The following GASK1B variants were observed in gnomAD, a reference collection of about 807,000 sequenced individuals.
GASK1B encodes Golgi-associated kinase 1B.
A neutral mutation model predicts 42.8 loss-of-function variants in GASK1B; 34 were observed. The ratio of observed to expected loss-of-function variants is 0.79; its 90% confidence interval spans 0.60 to 1.06. The LOEUF is 1.06. Among genes scored for constraint, GASK1B ranks in the 50% least tolerant of loss-of-function variants. The pLI, the probability that GASK1B is intolerant of heterozygous loss-of-function variation, is 0.00. For missense variants in GASK1B, 686 were observed against 661.0 expected, an observed-to-expected ratio of 1.04 and a Z score of -0.42; for synonymous variants, 262 against 259.1, an observed-to-expected ratio of 1.01 and a Z score of -0.11.
In GASK1B at chr4:158,125,977, G is replaced by A. The variant is rs1211762802; in HGVS notation, c.*1430C>T. The stretch of plus-strand genomic sequence containing the variant: ...ACAGATATTGAGTTAACCTTGACCA[G>A]AACAAAGAAAATGTGGTGTATTTCA... On this transcript the variant is annotated 3_prime_UTR_variant, in exon 5 of 5. Transcript: ENST00000585682. The A allele has an allele frequency of 1.3e-5, 2 of 151,694 alleles. No homozygotes were observed. The highest frequency in any genetic ancestry group is 2.9e-5 in the Non-Finnish European group (2 of 67,936). The allele number at this position is 151,694 out of a possible 1,614,324, so 9.4% of individuals were successfully genotyped here. A position where few individuals can be genotyped will look rare whatever the true frequency, so the allele number is the denominator to read the frequency against.
At chr4:158,144,135 AG>A (rs1731243362) in intron 3 of GASK1B, among the ~76,000 whole-genome samples, 1 of 152,192 alleles carries the variant, frequency 6.6e-6, no homozygotes, top group African/African-American at 2.4e-5. Context: ...AAACATATAA[AG>A]CAATGAACAC....
chr4:158,137,429 G>A (rs1730940145), intron 3 of GASK1B, among the ~76,000 whole-genome samples: 1 of 152,120 alleles, frequency 6.6e-6, no homozygotes, highest in Non-Finnish European at 1.5e-5. Flanking sequence ...ATCATTACCA[G>A]CATCCCTTCA....
intron 3 of GASK1B, among the ~76,000 whole-genome samples, chr4:158,139,770 G>A (rs1245875526): frequency 6.6e-6 from 1 of 152,166 alleles, no homozygotes; most frequent in Admixed American, 6.5e-5. Context: ...AATGAGAGAA[G>A]TGGAATTGTT....
At chr4:158,161,428 A>G (rs189407470) in intron 2 of GASK1B, among the ~76,000 whole-genome samples, 51 of 152,302 alleles carry the variant, frequency 3.3e-4, no homozygotes, top group Non-Finnish European at 6.5e-4. Context: ...AATAATCTCC[A>G]TACTTCCTCA....
At chr4:158,158,164 A>G (rs984773880) in intron 2 of GASK1B, among the ~76,000 whole-genome samples, 10 of 152,134 alleles carry the variant, frequency 6.6e-5, no homozygotes, top group South Asian at 4.1e-4. Context: ...TCTCACCTGT[A>G]AAATGAAGCA....
intron 3 of GASK1B, among the ~76,000 whole-genome samples, chr4:158,153,115 A>G (rs905693968): frequency 3.3e-5 from 5 of 152,218 alleles, no homozygotes; most frequent in African/African-American, 9.6e-5. Context: ...GACTCCTCCA[A>G]AAAACTTCTA....
chr4:158,153,713 C>T (rs758024597), intron 3 of GASK1B, among the ~76,000 whole-genome samples: 8 of 152,128 alleles, frequency 5.3e-5, no homozygotes, highest in Non-Finnish European at 1.0e-4. Context: ...ATACTTACAG[C>T]CAACTGATCT....
intron 3 of GASK1B, among the ~76,000 whole-genome samples, chr4:158,146,141 AGTT>A: frequency 1.5e-5 from 1 of 66,590 alleles, no homozygotes; most frequent in East Asian, 9.4e-4. Context: ...TAATATAACT[AGTT>A]GTTTTTTTTT....
chr4:158,153,017 A>T (rs1479964029), intron 3 of GASK1B, among the ~76,000 whole-genome samples: 2 of 152,230 alleles, frequency 1.3e-5, no homozygotes, highest in African/African-American at 4.8e-5. Flanking sequence ...AGAAAATAGA[A>T]AGAAATAAAG....
At chr4:158,133,709 G>A (rs187194826) in intron 3 of GASK1B, among the ~76,000 whole-genome samples, 30 of 152,208 alleles carry the variant, frequency 2.0e-4, no homozygotes, top group Middle Eastern at 3.4e-3. Context: ...AAAGTACTTC[G>A]TCTGATCTAA....
chr4:158,171,714 G>A lies in GASK1B; in HGVS notation c.-224-115C>T, dbSNP rs144439641. 30 of 192,554 alleles carry A rather than the reference G, an allele frequency of 1.6e-4. No homozygotes were observed. The East Asian group carries it at 3.6e-3, about 23-fold the overall frequency. 11.9% of individuals were successfully genotyped at this position (192,554 alleles called of 1,614,324 possible). The stretch of plus-strand genomic sequence containing the variant: ...CCTTTCATAAATATCACCACTAAAT[G>A]TTTTTAAAAATAAAATTTAAAAGCA... On this transcript the variant is annotated intron_variant, in intron 1 of 4. Coordinates refer to ENST00000585682, the MANE Select transcript of GASK1B (RefSeq NM_001128424.2).
At position 158,126,811 on chromosome 4, in the gene GASK1B, A is replaced by AT. The variant is rs745538010; in HGVS notation, c.*595dup. 3 of 152,156 alleles carry AT rather than the reference A, an allele frequency of 2.0e-5. No individual in the cohort carries two copies. The highest frequency in any genetic ancestry group is 2.1e-4 in the South Asian group (1 of 4,836). 9.4% of individuals were successfully genotyped at this position (152,156 alleles called of 1,614,324 possible). A position where few individuals can be genotyped will look rare whatever the true frequency, so the allele number is the denominator to read the frequency against. On this transcript the variant is annotated 3_prime_UTR_variant, in exon 5 of 5. Transcript: ENST00000585682. ...TATGATTCTTGTACTTAAATGACTG[A>AT]TTTTTTATAGACACAATAGAAAATA...
chr4:158,135,811 T>G (rs754401117), intron 3 of GASK1B, among the ~76,000 whole-genome samples: 2 of 152,116 alleles, frequency 1.3e-5, no homozygotes, highest in African/African-American at 2.4e-5. Context: ...GAAAAGCTCA[T>G]GAAGGAGATG....
rs1260408621 is a variant in GASK1B at position 158,171,546 on chromosome 4, A to G, written c.-171T>C. On this transcript the variant is annotated 5_prime_UTR_variant, in exon 2 of 5. Coordinates refer to ENST00000585682, the MANE Select transcript of GASK1B (RefSeq NM_001128424.2). The stretch of plus-strand genomic sequence containing the variant: ...GGTGATGAAGCTGGGAATGTTTCTG[A>G]CACAACAAACCTTTTAAATTATCAG... 3.0e-5 allele frequency: 18 copies of G among 597,176 alleles called. No individual in the cohort carries two copies. The East Asian group carries it at 5.3e-4, about 18-fold the overall frequency. 37.0% of individuals were successfully genotyped at this position (597,176 alleles called of 1,614,324 possible).
chr4:158,139,795 T>G (rs992698353), intron 3 of GASK1B, among the ~76,000 whole-genome samples: 36 of 152,290 alleles, frequency 2.4e-4, no homozygotes, highest in African/African-American at 7.5e-4. Flanking sequence ...CAAGTTAAAA[T>G]GGCATTTAAT....
intron 3 of GASK1B, among the ~76,000 whole-genome samples, chr4:158,143,334 T>C (rs1179453834): frequency 6.6e-6 from 1 of 152,228 alleles, no homozygotes; most frequent in African/African-American, 2.4e-5. Flanking sequence ...AATAATTTTT[T>C]AATGTTCTAA....
At chr4:158,136,763 T>A (rs967603579) in intron 3 of GASK1B, among the ~76,000 whole-genome samples, 2 of 152,224 alleles carry the variant, frequency 1.3e-5, no homozygotes, top group African/African-American at 4.8e-5. Context: ...TGATTTGTTT[T>A]TAGCATTTAA....
rs1732529240 is a variant in GASK1B at position 158,171,355 on chromosome 4, C to T, written c.21G>A (p.Pro7=). MTCPDK[P]GQLINWFICS... Reference sequence around the variant, plus strand: ...AGATGAACCAGTTTATGAGCTGCCCCGGCTTGTCTGGACAGGTCATTTCTC... The same window carrying T: ...AGATGAACCAGTTTATGAGCTGCCCTGGCTTGTCTGGACAGGTCATTTCTC... Residue 7 remains proline (P), a synonymous_variant, in exon 2 of 5, where the codon CCG becomes CCA. Coordinates refer to ENST00000585682, the MANE Select transcript of GASK1B (RefSeq NM_001128424.2). 1 of 1,595,840 alleles carries T rather than the reference C, an allele frequency of 6.3e-7. No individual in the cohort carries two copies. Among genetic ancestry groups the T allele is most frequent in the Non-Finnish European group, 8.6e-7 (1 of 1,169,040 alleles).
chr4:158,156,029 A>C (rs140078187), intron 2 of GASK1B, among the ~76,000 whole-genome samples: 132 of 152,330 alleles, frequency 8.7e-4, no homozygotes, highest in Middle Eastern at 3.4e-3. Flanking sequence ...ATAAAGCAGA[A>C]AGTTATTGTT....
Sources: gnomAD v4.1 joint callset for allele counts (sites outside exome capture counted in the v4.1 genomes callset) on GRCh38, gnomAD v4.1.1 for gene constraint, MANE v1.5 for transcripts, NCBI Gene and HGNC (gene_info 2026-07-23, HGNC 2026-07-21) for gene names.